Variants in NRF1 observed in about 807,000 individuals in gnomAD.
NRF1 encodes nuclear respiratory factor 1, also known as alpha palindromic-binding protein.
In NRF1, 5 loss-of-function variants were observed where a neutral mutation model predicts 58.5. The ratio of observed to expected loss-of-function variants is 0.09; its 90% CI spans 0.04 to 0.18. The LOEUF is 0.18. Ranked by LOEUF, NRF1 falls within the 10% of genes least tolerant of loss-of-function variation. NRF1 has a pLI of 1.00. For synonymous variants in NRF1, 224 were observed against 246.7 expected (o/e 0.91, Z 0.86); for missense variants, 288 against 657.7 (o/e 0.44, Z 6.15).
intron 5 of NRF1, among the ~76,000 whole-genome samples, chr7:129,699,564 G>T (rs1333784630): frequency 1.3e-5 from 2 of 150,434 alleles, no homozygotes; most frequent in African/African-American, 4.9e-5. Context: ...AAATTTTTTT[G>T]TATTATTTAC....
At chr7:129,635,507 C>T (rs2151064349) in intron 1 of NRF1, among the ~76,000 whole-genome samples, 1 of 152,250 alleles carries the variant, frequency 6.6e-6, no homozygotes, top group East Asian at 1.9e-4. Flanking sequence ...TACATACCCC[C>T]AGCTGCAGCA....
At chr7:129,698,897 C>T (rs189063553) in intron 5 of NRF1, among the ~76,000 whole-genome samples, 1 of 152,254 alleles carries the variant, frequency 6.6e-6, no homozygotes, top group Non-Finnish European at 1.5e-5. Flanking sequence ...AGACTTGGGT[C>T]CTGTAGGCAT....
intron 1 of NRF1, among the ~76,000 whole-genome samples, chr7:129,647,409 T>G (rs1801433830): frequency 6.7e-6 from 1 of 150,108 alleles, no homozygotes; most frequent in Non-Finnish European, 1.5e-5. Context: ...TCTTGCTTTT[T>G]TTTTTTTTTT....
Position 129,634,039 on chromosome 7 carries a change from A to ATAT in NRF1, c.-7+22215_-7+22216insTAT, listed in dbSNP as rs1370530259. Among the ~76,000 whole-genome samples the ATAT allele has an allele frequency of 9.4e-4, 84 of 89,420 alleles. 1 individual carries two copies. The highest frequency in any genetic ancestry group is 3.7e-3 in the African/African-American group (73 of 19,506). The allele number at this position is 89,420 out of a possible 152,430, so 58.7% of individuals were successfully genotyped here. The stretch of plus-strand genomic sequence containing the variant: ...TTTTACATCTGTATTTAAAAAAAAA[A>ATAT]AAAGATATATATATATATATATACA... On this transcript the variant is annotated intron_variant, in intron 1 of 10. Coordinates refer to ENST00000393232, the MANE Select transcript of NRF1 (RefSeq NM_005011.5).
At chr7:129,704,578 C>T (rs183362797) in intron 5 of NRF1, among the ~76,000 whole-genome samples, 12 of 152,134 alleles carry the variant, frequency 7.9e-5, no homozygotes, top group Admixed American at 7.2e-4. Flanking sequence ...ACCAGAAGTA[C>T]GTTGGATTTC....
chr7:129,681,303 C>T lies in NRF1; in HGVS notation c.465+3545C>T, dbSNP rs191614798. Among the ~76,000 whole-genome samples, 252 of 152,248 alleles carry T rather than the reference C, an allele frequency of 1.7e-3. 2 individuals carry two copies. The highest frequency in any genetic ancestry group is 0.014 in the Middle Eastern group (4 of 294). ...CACCTTGACTTTAGCCAAGTGAAAC[C>T]AAGAAAATAAATTTGTATGGGTTTA... is the stretch of plus-strand genomic sequence containing the variant. On this transcript the variant is annotated intron_variant, in intron 4 of 10. Transcript: ENST00000393232.
In NRF1 at chr7:129,723,893, T is replaced by G. The variant is rs570351522; in HGVS notation, c.1224-3348T>G. ...GATATCTACATACAAAAGAATGAAG[T>G]TGGACCTTTACCTAACACAGTGTAT... On this transcript the variant is annotated intron_variant, in intron 9 of 10. Coordinates refer to ENST00000393232, the MANE Select transcript of NRF1 (RefSeq NM_005011.5). 3.9e-5 allele frequency among the ~76,000 whole-genome samples: 6 copies of G among 152,330 alleles called. No individual in the cohort carries two copies. The South Asian group carries it at 1.2e-3, about 32-fold the overall frequency.
chr7:129,731,105 C>A (rs572316513), intron 10 of NRF1, among the ~76,000 whole-genome samples: 2 of 151,948 alleles, frequency 1.3e-5, no homozygotes, highest in Non-Finnish European at 2.9e-5. Context: ...AACCCTGTTT[C>A]TACTAAAATA....
At chr7:129,702,717 G>C (rs770830763) in intron 5 of NRF1, among the ~76,000 whole-genome samples, 10 of 152,138 alleles carry the variant, frequency 6.6e-5, no homozygotes, top group Non-Finnish European at 1.5e-5. Context: ...CTACATTCCT[G>C]TTTTCTGTAG....
chr7:129,700,580 A>G (rs1802798686), intron 5 of NRF1, among the ~76,000 whole-genome samples: 1 of 152,244 alleles, frequency 6.6e-6, no homozygotes, highest in South Asian at 2.1e-4. Context: ...AAATGTTTAC[A>G]TATATGATGT....
intron 9 of NRF1, among the ~76,000 whole-genome samples, chr7:129,722,104 CTT>C (rs1330820940): frequency 6.6e-6 from 1 of 152,100 alleles, no homozygotes; most frequent in African/African-American, 2.4e-5. Context: ...TGAACATAAT[CTT>C]TTTCTAGGCT....
chr7:129,617,938 T>G (rs1400640434), intron 1 of NRF1, among the ~76,000 whole-genome samples: 1 of 152,128 alleles, frequency 6.6e-6, no homozygotes, highest in African/African-American at 2.4e-5. Context: ...ACTGATAAGG[T>G]TGTGGCCATA....
intron 10 of NRF1, 96 bp downstream of exon 10, chr7:129,727,461 C>G: frequency 7.5e-7 from 1 of 1,337,288 alleles, no homozygotes; most frequent in South Asian, 1.5e-5. Context: ...AGAGTTTGAG[C>G]TTCGATTTTT....
Position 129,653,096 on chromosome 7 carries a change from C to T in NRF1, c.-6-4250C>T, listed in dbSNP as rs1371857284. On this transcript the variant is annotated intron_variant, in intron 1 of 10. Coordinates refer to ENST00000393232, the MANE Select transcript of NRF1 (RefSeq NM_005011.5). ...GAACTGAAACTCTGTACTCCCAGCC[C>T]CTGGCGACTAATAGTCTACTTTCTG... Among the ~76,000 whole-genome samples the T allele has an allele frequency of 2.6e-5, 4 of 152,246 alleles. No individual in the cohort carries two copies. In the South Asian group the frequency reaches 8.3e-4, roughly 32 times the overall value.
chr7:129,735,252 C>T (rs1803679614), intron 10 of NRF1: 1 of 985,268 alleles, frequency 1.0e-6, no homozygotes, highest in African/African-American at 1.7e-5. Context: ...ATTAAAGCTG[C>T]TGGGTGCGGT....
chr7:129,637,649 A>G (rs1801196702), intron 1 of NRF1, among the ~76,000 whole-genome samples: 1 of 152,174 alleles, frequency 6.6e-6, no homozygotes. Context: ...AAATGAGACC[A>G]CACTCATTCT....
intron 2 of NRF1, among the ~76,000 whole-genome samples, chr7:129,667,832 A>G (rs1380666828): frequency 6.6e-6 from 1 of 151,764 alleles, no homozygotes; most frequent in Non-Finnish European, 1.5e-5. Context: ...GCAGTGATGC[A>G]ATCATAGTTC....
intron 9 of NRF1, among the ~76,000 whole-genome samples, chr7:129,723,235 G>A (rs112508443): frequency 1.4e-4 from 21 of 152,176 alleles, no homozygotes; most frequent in African/African-American, 5.1e-4. Flanking sequence ...CCTGAGGTTG[G>A]GAGTTCGAGA....
At chr7:129,707,299 T>A (rs1219522517) in intron 5 of NRF1, among the ~76,000 whole-genome samples, 3 of 152,186 alleles carry the variant, frequency 2.0e-5, no homozygotes, top group African/African-American at 7.2e-5. Flanking sequence ...CAACCCACTT[T>A]AGGATTTTGT....
Sources: allele counts gnomAD v4.1 joint callset (sites outside exome capture counted in the v4.1 genomes callset), GRCh38; gene constraint gnomAD v4.1.1; transcripts MANE v1.5; gene names NCBI Gene and HGNC (gene_info 2026-07-23, HGNC 2026-07-21).